Variants in SLC44A5 observed in about 807,000 individuals in gnomAD.
SLC44A5 encodes the protein solute carrier family 44 member 5, also known as choline transporter-like protein 5.
Under a neutral mutation model 101.8 loss-of-function variants are expected in SLC44A5, and 57 were observed. The ratio of observed to expected loss-of-function variants is 0.56; its 90% CI spans 0.45 to 0.70. The LOEUF (loss-of-function observed/expected upper bound fraction) is 0.70. SLC44A5 is among the 30% of genes least tolerant of loss of function. The pLI is 0.00. For missense variants in SLC44A5, 737 were observed against 853.1 expected (o/e 0.86, Z 1.70); for synonymous variants, 281 against 290.9 (o/e 0.97, Z 0.35).
chr1:75,240,979 A>T (rs1238582673), intron 9 of SLC44A5, among the ~76,000 whole-genome samples: 6 of 151,948 alleles, frequency 3.9e-5, no homozygotes, highest in African/African-American at 1.4e-4. Flanking sequence ...TAACAGTTTG[A>T]ATTTTATTTA....
At chr1:75,472,007 G>A (rs1010471868) in intron 2 of SLC44A5, among the ~76,000 whole-genome samples, 1 of 149,944 alleles carries the variant, frequency 6.7e-6, no homozygotes, top group African/African-American at 2.5e-5. Flanking sequence ...GCAGGATTTG[G>A]CAATACTAGA....
rs11163063 is a variant in SLC44A5, at chr1:75,303,125, C to T, written c.102-2440G>A. On this transcript the variant is annotated intron_variant, in intron 4 of 23. Coordinates refer to ENST00000370859, the MANE Select transcript of SLC44A5 (RefSeq NM_001130058.2). ...TTTTGTATTTATAATGCTACATAGT[C>T]AATGCAAGTAGAGGTAAACATCTAG... 8.5e-3 allele frequency among the ~76,000 whole-genome samples: 1,300 copies of T among 152,176 alleles called. 21 individuals carry two copies. Among genetic ancestry groups the T allele is most frequent in the African/African-American group, 0.03 (1,233 of 41,498 alleles).
intron 2 of SLC44A5, among the ~76,000 whole-genome samples, chr1:75,491,748 C>T (rs2101812200): frequency 6.6e-6 from 1 of 151,878 alleles, no homozygotes; most frequent in East Asian, 1.9e-4. Context: ...CACACACACA[C>T]ACAGTATTAT....
intron 2 of SLC44A5, among the ~76,000 whole-genome samples, chr1:75,454,524 AAT>A (rs1328998174): frequency 6.6e-6 from 1 of 152,060 alleles, no homozygotes; most frequent in African/African-American, 2.4e-5. Flanking sequence ...TCCTAGTCAA[AAT>A]AGAACTAGAA....
intron 2 of SLC44A5, among the ~76,000 whole-genome samples, chr1:75,409,958 T>C (rs747936566): frequency 6.6e-6 from 1 of 152,144 alleles, no homozygotes; most frequent in African/African-American, 2.4e-5. Context: ...CACACAAGCA[T>C]ACATTTTCCA....
chr1:75,305,107 A>T (rs1026357677), intron 4 of SLC44A5, among the ~76,000 whole-genome samples: 1 of 152,166 alleles, frequency 6.6e-6, no homozygotes, highest in Non-Finnish European at 1.5e-5. Context: ...GCATGTGCAG[A>T]CTTCCCTTTC....
chr1:75,286,511 T>C (rs1364741371), intron 5 of SLC44A5, among the ~76,000 whole-genome samples: 2 of 152,180 alleles, frequency 1.3e-5, no homozygotes, highest in African/African-American at 2.4e-5. Flanking sequence ...CTATTCATCA[T>C]GATAGTTGTT....
chr1:75,306,898 C>G (rs1246330270), intron 4 of SLC44A5, among the ~76,000 whole-genome samples: 4 of 151,734 alleles, frequency 2.6e-5, no homozygotes, highest in Non-Finnish European at 4.4e-5. Context: ...TCACGCCCGG[C>G]TAATTTTTTT....
intron 1 of SLC44A5, among the ~76,000 whole-genome samples, chr1:75,563,035 G>A (rs1299826801): frequency 2.0e-5 from 3 of 152,060 alleles, no homozygotes; most frequent in African/African-American, 4.8e-5. Flanking sequence ...TCTTTGATAC[G>A]CAATCATTAC....
the SLC44A5 span, among the ~76,000 whole-genome samples, chr1:75,707,805 T>C: frequency 6.6e-6 from 1 of 151,912 alleles, no homozygotes; most frequent in African/African-American, 2.4e-5. Flanking sequence ...AGGGGAAAAA[T>C]ATCAAATTTG....
intron 4 of SLC44A5, among the ~76,000 whole-genome samples, chr1:75,327,427 A>T (rs1384850793): frequency 6.6e-6 from 1 of 152,242 alleles, no homozygotes; most frequent in Non-Finnish European, 1.5e-5. Context: ...TAGACTTAAA[A>T]AATATGCAGC....
At chr1:75,336,564 A>G (rs1657460652) in intron 4 of SLC44A5, among the ~76,000 whole-genome samples, 1 of 152,164 alleles carries the variant, frequency 6.6e-6, no homozygotes, top group South Asian at 2.1e-4. Flanking sequence ...AACAAACTCC[A>G]TCTCTAAAAC....
intron 2 of SLC44A5, among the ~76,000 whole-genome samples, chr1:75,505,200 T>C (rs1302214130): frequency 2.0e-5 from 3 of 152,182 alleles, no homozygotes; most frequent in East Asian, 1.9e-4. Context: ...TAGTATTCCA[T>C]GGTATTTCAC....
chr1:75,476,945 T>C (rs977989063), intron 2 of SLC44A5, among the ~76,000 whole-genome samples: 6 of 152,188 alleles, frequency 3.9e-5, no homozygotes, highest in Admixed American at 6.5e-5. Flanking sequence ...GGGCAGACTG[T>C]CTCCTCAAGT....
the SLC44A5 span, among the ~76,000 whole-genome samples, chr1:75,694,224 T>G: frequency 3.3e-5 from 5 of 151,998 alleles, no homozygotes; most frequent in Non-Finnish European, 5.9e-5. Context: ...TTTGGCCTTA[T>G]GTCAGAAAAA....
intron 2 of SLC44A5, among the ~76,000 whole-genome samples, chr1:75,482,464 C>A (rs958244072): frequency 4.6e-5 from 7 of 151,680 alleles, no homozygotes; most frequent in Admixed American, 3.9e-4. Flanking sequence ...TACCTATTAA[C>A]CAAAATACTG....
intron 4 of SLC44A5, among the ~76,000 whole-genome samples, chr1:75,332,768 T>C (rs2101006357): frequency 6.6e-6 from 1 of 152,298 alleles, no homozygotes; most frequent in Middle Eastern, 3.4e-3. Context: ...GTGATTCAAC[T>C]CTTGATGCCA....
At chr1:75,371,810 C>A (rs1461465854) in intron 3 of SLC44A5, among the ~76,000 whole-genome samples, 4 of 152,148 alleles carry the variant, frequency 2.6e-5, no homozygotes, top group Admixed American at 2.6e-4. Context: ...GTTTTTCACA[C>A]AGGTGAGGAA....
intron 2 of SLC44A5, among the ~76,000 whole-genome samples, chr1:75,447,714 T>C (rs1014943519): frequency 6.6e-6 from 1 of 152,150 alleles, no homozygotes; most frequent in South Asian, 2.1e-4. Flanking sequence ...CCTAATTTTT[T>C]CTTTTCTTTT....
Sources: allele counts gnomAD v4.1 joint callset (sites outside exome capture counted in the v4.1 genomes callset), GRCh38; gene constraint gnomAD v4.1.1; transcripts MANE v1.5; gene names NCBI Gene and HGNC (gene_info 2026-07-23, HGNC 2026-07-21).